Variants in PLEKHO2 observed in about 807,000 individuals in gnomAD.
PLEKHO2 encodes pleckstrin homology domain containing O2.
Under a neutral mutation model 32.7 loss-of-function variants are expected in PLEKHO2, and 20 were observed. The observed-to-expected ratio is 0.61, with a 90% CI of 0.43 to 0.89. The LOEUF (loss-of-function observed/expected upper bound fraction) is 0.89. PLEKHO2 is among the 40% of genes least tolerant of loss of function. The pLI is 0.00. For synonymous variants in PLEKHO2, 247 were observed against 246.3 expected (o/e 1.00, Z -0.03); for missense variants, 568 against 621.2 (o/e 0.91, Z 0.91).
At chr15:64,856,441 G>A (rs2140342557) in intron 3 of PLEKHO2, among the ~76,000 whole-genome samples, 1 of 152,228 alleles carries the variant, frequency 6.6e-6, no homozygotes, top group African/African-American at 2.4e-5. Context: ...TAGCCTCTCT[G>A]GCCTCTGCCT....
chr15:64,844,067 C>T (rs910710164), intron 1 of PLEKHO2, among the ~76,000 whole-genome samples: 1 of 152,208 alleles, frequency 6.6e-6, no homozygotes. Context: ...CCGCTTGTTG[C>T]ACTAGGCCTC....
intron 3 of PLEKHO2, among the ~76,000 whole-genome samples, chr15:64,855,959 T>C (rs952530521): frequency 6.8e-6 from 1 of 146,340 alleles, no homozygotes; most frequent in African/African-American, 2.8e-5. Context: ...CCACAATGCT[T>C]TACTCATTGA....
Position 64,842,033 on chromosome 15 carries a change from G to C in PLEKHO2, c.12+5G>C, listed in dbSNP as rs1372255532. 8.1e-7 allele frequency: 1 copy of C among 1,240,002 alleles called. No homozygotes were observed. The highest frequency in any genetic ancestry group is 1.0e-6 in the Non-Finnish European group (1 of 991,712). 76.8% of individuals were successfully genotyped at this position (1,240,002 alleles called of 1,614,324 possible). A position where few individuals can be genotyped will look rare whatever the true frequency, so the allele number is the denominator to read the frequency against. The stretch of plus-strand genomic sequence containing the variant: ...GGACTCGCCATGGAGGAGGAGGTGA[G>C]GGCGGGGCCCGGCGGGGCGTTGGGC... On this transcript the variant is annotated splice_donor_5th_base_variant and intron_variant, in intron 1 of 5. Coordinates refer to ENST00000323544, the MANE Select transcript of PLEKHO2 (RefSeq NM_025201.5).
At position 64,859,870 on chromosome 15, in the gene PLEKHO2, C is replaced by G. The variant is rs1451024404; in HGVS notation, c.280-24C>G. 3 of 1,589,914 alleles carry G rather than the reference C, an allele frequency of 1.9e-6. No individual in the cohort carries two copies. In the East Asian group the frequency reaches 6.7e-5, roughly 36 times the overall value. The stretch of plus-strand genomic sequence containing the variant: ...GTGAGCTTTGTTAAACATCTGCCAT[C>G]TACTCCATCCATCTTGCCCACAGGT... On this transcript the variant is annotated intron_variant, in intron 3 of 5. Transcript: ENST00000323544.
At chr15:64,842,353 C>T (rs1216125936) in intron 1 of PLEKHO2, among the ~76,000 whole-genome samples, 3 of 150,858 alleles carry the variant, frequency 2.0e-5, no homozygotes, top group Non-Finnish European at 2.9e-5. Flanking sequence ...GCTCGAACCC[C>T]GATTACCGTG....
At position 64,860,322 on chromosome 15, in the gene PLEKHO2, C is replaced by G. The variant is rs74019336; in HGVS notation, c.384+324C>G. On this transcript the variant is annotated intron_variant, in intron 4 of 5. Transcript: ENST00000323544. The stretch of plus-strand genomic sequence containing the variant: ...CTCAGCTGGAAGCAGCAGGTGGGCC[C>G]AGGCCAGAGAGTGCTGCAGAGTGAG... 4.2e-3 allele frequency among the ~76,000 whole-genome samples: 641 copies of G among 152,376 alleles called. 6 individuals are homozygous for G. Among genetic ancestry groups the G allele is most frequent in the African/African-American group, 0.014 (602 of 41,596 alleles).
At position 64,861,591 on chromosome 15, in the gene PLEKHO2, G is replaced by A. The variant is rs752604250; in HGVS notation, c.483+16G>A. On this transcript the variant is annotated intron_variant, in intron 5 of 5. Coordinates refer to ENST00000323544, the MANE Select transcript of PLEKHO2 (RefSeq NM_025201.5). ...CCTGAAGGAGGTAGGGCCTTACCCAGTGTGGATGTTGGGGTTAGTTGAGCC... is the reference window on the plus strand; with the variant it reads ...CCTGAAGGAGGTAGGGCCTTACCCAATGTGGATGTTGGGGTTAGTTGAGCC... 1 of 1,568,516 alleles carries A rather than the reference G, an allele frequency of 6.4e-7. No individual in the cohort carries two copies. Among genetic ancestry groups the A allele is most frequent in the Non-Finnish European group, 8.6e-7 (1 of 1,157,688 alleles).
At chr15:64,862,106 G>C (rs1376954387) in intron 5 of PLEKHO2, among the ~76,000 whole-genome samples, 2 of 152,174 alleles carry the variant, frequency 1.3e-5, no homozygotes, top group East Asian at 3.9e-4. Flanking sequence ...GGGAGGGTTT[G>C]AGGTATGCGG....
intron 2 of PLEKHO2, among the ~76,000 whole-genome samples, chr15:64,852,562 A>G (rs956856609): frequency 6.6e-6 from 1 of 151,930 alleles, no homozygotes; most frequent in Non-Finnish European, 1.5e-5. Context: ...TCGCCTGGGC[A>G]TTGGGGTTTT....
At chr15:64,862,895 T>C (rs2084652783) in intron 5 of PLEKHO2, among the ~76,000 whole-genome samples, 1 of 151,932 alleles carries the variant, frequency 6.6e-6, no homozygotes, top group Admixed American at 6.6e-5. Context: ...TCATTTAGCA[T>C]TAGTTATATC....
rs559616585 is a variant in PLEKHO2 at position 64,865,688 on chromosome 15, A to G, written c.1273A>G (p.Lys425Glu). 14 of 1,614,182 alleles carry G rather than the reference A, an allele frequency of 8.7e-6. No homozygotes were observed. In the South Asian group the frequency reaches 1.4e-4, roughly 16 times the overall value. ...GAAGGTGGCCTCGGAACAGACGGAG[A>G]AACTGTTGAACAAGGTGCTGGGCAG... ...EVKVASEQTE[K>E]LLNKVLGSEP... Residue 425 changes from lysine (K) to glutamate (E), a missense_variant, in exon 6 of 6, where the codon AAA becomes GAA. Transcript: ENST00000323544.
rs2084486941 is a variant in PLEKHO2, at chr15:64,841,959, A to G, written c.-58A>G. 8.0e-7 allele frequency: 1 copy of G among 1,243,326 alleles called. No homozygotes were observed. Among genetic ancestry groups the G allele is most frequent in the Non-Finnish European group, 1.0e-6 (1 of 993,578 alleles). 77.0% of individuals were successfully genotyped at this position (1,243,326 alleles called of 1,614,324 possible). Reference sequence around the variant, plus strand: ...CCTGGCCGGGCGTAGACGCGGTGGCAGAGCCCGCGCGGCGCTGGAAGCGAG... The same window carrying G: ...CCTGGCCGGGCGTAGACGCGGTGGCGGAGCCCGCGCGGCGCTGGAAGCGAG... On this transcript the variant is annotated 5_prime_UTR_variant, in exon 1 of 6. Transcript: ENST00000323544.
chr15:64,860,241 A>G (rs1020364572), intron 4 of PLEKHO2, among the ~76,000 whole-genome samples: 3 of 152,258 alleles, frequency 2.0e-5, no homozygotes, highest in Non-Finnish European at 4.4e-5. Context: ...TGGAAAGCAG[A>G]TAAGTGGTGG....
chr15:64,841,988 C>A lies in PLEKHO2; in HGVS notation c.-29C>A. 1 of 1,246,586 alleles carries A rather than the reference C, an allele frequency of 8.0e-7. No homozygotes were observed. Among genetic ancestry groups the A allele is most frequent in the Non-Finnish European group, 1.0e-6 (1 of 995,920 alleles). The allele number at this position is 1,246,586 out of a possible 1,614,324, so 77.2% of individuals were successfully genotyped here. On this transcript the variant is annotated 5_prime_UTR_variant, in exon 1 of 6. Coordinates refer to ENST00000323544, the MANE Select transcript of PLEKHO2 (RefSeq NM_025201.5). ...CCCGCGCGGCGCTGGAAGCGAGTGG[C>A]GGAGCGGCGGGACCTCGGCGGACTC... is the stretch of plus-strand genomic sequence containing the variant.
chr15:64,855,053 C>A lies in PLEKHO2; in HGVS notation c.279+16C>A. On this transcript the variant is annotated intron_variant, in intron 3 of 5. Coordinates refer to ENST00000323544, the MANE Select transcript of PLEKHO2 (RefSeq NM_025201.5). ...AGGGAACAAGGTAGGGCGATGCCTG[C>A]TGCTGCCCCATCTCCCTCTAGCCCA... 6.4e-7 allele frequency: 1 copy of A among 1,553,658 alleles called. No homozygotes were observed. Among genetic ancestry groups the A allele is most frequent in the East Asian group, 2.3e-5 (1 of 42,900 alleles).
Position 64,866,384 on chromosome 15 carries a change from A to C in PLEKHO2, c.*496A>C. ...CCAGCCCCTCCTCCCACCTATTCTG[A>C]GTAGCTGCAGAGGCCTTGGGTCCAG... On this transcript the variant is annotated 3_prime_UTR_variant, in exon 6 of 6. Transcript: ENST00000323544. 2.2e-6 allele frequency: 1 copy of C among 456,422 alleles called. No individual in the cohort carries two copies. The highest frequency in any genetic ancestry group is 1.5e-5 in the South Asian group (1 of 64,564). 28.3% of individuals were successfully genotyped at this position (456,422 alleles called of 1,614,324 possible).
Position 64,842,004 on chromosome 15 carries a change from C to A in PLEKHO2, c.-13C>A. On this transcript the variant is annotated 5_prime_UTR_variant, in exon 1 of 6. Coordinates refer to ENST00000323544, the MANE Select transcript of PLEKHO2 (RefSeq NM_025201.5). ...AGCGAGTGGCGGAGCGGCGGGACCT[C>A]GGCGGACTCGCCATGGAGGAGGAGG... 8.0e-7 allele frequency: 1 copy of A among 1,245,714 alleles called. No homozygotes were observed. Among genetic ancestry groups the A allele is most frequent in the Non-Finnish European group, 1.0e-6 (1 of 995,580 alleles). 77.2% of individuals were successfully genotyped at this position (1,245,714 alleles called of 1,614,324 possible).
At chr15:64,845,357 G>A (rs1424821978) in intron 1 of PLEKHO2, among the ~76,000 whole-genome samples, 1 of 152,034 alleles carries the variant, frequency 6.6e-6, no homozygotes, top group Non-Finnish European at 1.5e-5. Context: ...AAGAACAGCG[G>A]TCAGCTGCTC....
intron 1 of PLEKHO2, among the ~76,000 whole-genome samples, chr15:64,844,375 A>G (rs1247655494): frequency 6.6e-6 from 1 of 152,154 alleles, no homozygotes; most frequent in African/African-American, 2.4e-5. Flanking sequence ...CTCCTTTGTA[A>G]AAGGAAAAGG....
Sources: allele counts gnomAD v4.1 joint callset (sites outside exome capture counted in the v4.1 genomes callset), GRCh38; gene constraint gnomAD v4.1.1; transcripts MANE v1.5; gene names NCBI Gene and HGNC (gene_info 2026-07-23, HGNC 2026-07-21).